The following GRID1 variants were observed in gnomAD, a reference collection of about 807,000 sequenced individuals.
GRID1 encodes glutamate ionotropic receptor delta type subunit 1, also known as glutamate receptor ionotropic, delta-1.
In GRID1, 28 loss-of-function variants were observed where a neutral mutation model predicts 98.0. The observed-to-expected ratio is 0.29, with a 90% CI of 0.21 to 0.39. The LOEUF (loss-of-function observed/expected upper bound fraction) is 0.39. Ranked by LOEUF, GRID1 falls within the 10% of genes least tolerant of loss-of-function variation. GRID1 has a pLI of 1.00. For synonymous variants in GRID1, 553 were observed against 538.5 expected (o/e 1.03, Z -0.37); for missense variants, 1,111 against 1,340.5 (o/e 0.83, Z 2.67).
chr10:86,148,930 G>C (rs534432544), intron 3 of GRID1, among the ~76,000 whole-genome samples: 1 of 152,264 alleles, frequency 6.6e-6, no homozygotes, highest in Admixed American at 6.5e-5. Flanking sequence ...GCAAAGCAGA[G>C]CCAACCCCAC....
At chr10:85,818,894 A>AT (rs1339274140) in intron 8 of GRID1, among the ~76,000 whole-genome samples, 1 of 151,858 alleles carries the variant, frequency 6.6e-6, no homozygotes, top group African/African-American at 2.4e-5. Context: ...ATTTTTTTGT[A>AT]TTTTTTAGCA....
chr10:85,838,110 G>A (rs1842927225), intron 8 of GRID1, among the ~76,000 whole-genome samples: 1 of 151,998 alleles, frequency 6.6e-6, no homozygotes, highest in African/African-American at 2.4e-5. Context: ...CAAAAACAGA[G>A]AAAAATGAAT....
intron 4 of GRID1, among the ~76,000 whole-genome samples, chr10:86,022,357 G>C (rs1358282523): frequency 1.3e-5 from 2 of 152,072 alleles, no homozygotes; most frequent in African/African-American, 2.4e-5. Flanking sequence ...GTGCTCAGTA[G>C]CACCGGCCCC....
At chr10:86,347,953 C>T (rs763326558) in intron 2 of GRID1, among the ~76,000 whole-genome samples, 8 of 152,214 alleles carry the variant, frequency 5.3e-5, no homozygotes, top group Admixed American at 1.3e-4. Flanking sequence ...CCACAGGGTG[C>T]GAGGCCCGGC....
chr10:85,980,329 G>C (rs769212704), intron 4 of GRID1, among the ~76,000 whole-genome samples: 2 of 152,368 alleles, frequency 1.3e-5, no homozygotes, highest in African/African-American at 2.4e-5. Flanking sequence ...AGTGCTCAGT[G>C]TTTGTTAAGT....
At chr10:85,679,005 AAAC>A (rs1841176376) in intron 12 of GRID1, among the ~76,000 whole-genome samples, 1 of 152,204 alleles carries the variant, frequency 6.6e-6, no homozygotes, top group Admixed American at 6.5e-5. Flanking sequence ...ACAGACTCTC[AAAC>A]AACACTGATG....
At chr10:85,690,050 A>G (rs1415217271) in intron 12 of GRID1, among the ~76,000 whole-genome samples, 1 of 152,190 alleles carries the variant, frequency 6.6e-6, no homozygotes, top group Non-Finnish European at 1.5e-5. Flanking sequence ...TATCAGAAGG[A>G]ATAACACCCA....
At chr10:86,311,533 G>A (rs1279438637) in intron 2 of GRID1, among the ~76,000 whole-genome samples, 1 of 152,124 alleles carries the variant, frequency 6.6e-6, no homozygotes, top group Non-Finnish European at 1.5e-5. Flanking sequence ...CAAATGCCTA[G>A]ACCACACTTG....
At chr10:85,907,913 A>G (rs1411160180) in intron 5 of GRID1, among the ~76,000 whole-genome samples, 1 of 152,216 alleles carries the variant, frequency 6.6e-6, no homozygotes, top group Non-Finnish European at 1.5e-5. Flanking sequence ...ATATTAATAA[A>G]CTGCAAAAAG....
intron 4 of GRID1, among the ~76,000 whole-genome samples, chr10:86,128,625 C>T (rs1305436875): frequency 1.3e-5 from 2 of 152,168 alleles, no homozygotes; most frequent in African/African-American, 4.8e-5. Flanking sequence ...CGCCTGGTAA[C>T]GGCCCACCAA....
intron 8 of GRID1, among the ~76,000 whole-genome samples, chr10:85,826,291 C>T (rs544568714): frequency 4.6e-5 from 7 of 152,286 alleles, no homozygotes; most frequent in African/African-American, 1.7e-4. Flanking sequence ...GCCGAGATCG[C>T]GCCACTGCAC....
chr10:85,852,897 C>T (rs1843073943), intron 8 of GRID1, among the ~76,000 whole-genome samples: 1 of 152,178 alleles, frequency 6.6e-6, no homozygotes, highest in Non-Finnish European at 1.5e-5. Context: ...TGCTAGCCGA[C>T]TCCCTCTAGG....
intron 12 of GRID1, among the ~76,000 whole-genome samples, chr10:85,649,376 T>C (rs961228428): frequency 6.6e-6 from 1 of 152,214 alleles, no homozygotes; most frequent in Non-Finnish European, 1.5e-5. Context: ...AAGAAATCTT[T>C]CTAATTATTG....
intron 2 of GRID1, among the ~76,000 whole-genome samples, chr10:86,225,018 G>T (rs1019512286): frequency 6.6e-6 from 1 of 152,268 alleles, no homozygotes; most frequent in East Asian, 1.9e-4. Context: ...TACTGAAGGA[G>T]TGAATGAAAC....
intron 8 of GRID1, among the ~76,000 whole-genome samples, chr10:85,731,900 GGAGAAAGAAA>G (rs1291560399): frequency 5.4e-5 from 8 of 147,706 alleles, no homozygotes; most frequent in African/African-American, 1.5e-4. Context: ...AGGGAGGGAG[GGAGAAAGAAA>G]GAGAAAGAAA....
intron 4 of GRID1, among the ~76,000 whole-genome samples, chr10:86,073,573 G>A (rs117654872): frequency 0.043 from 6,581 of 152,316 alleles, 165 homozygotes; most frequent in Middle Eastern, 0.068. Context: ...TCCAGGGGGT[G>A]AAGGAGGCTG....
chr10:85,816,808 A>G (rs1475602530), intron 8 of GRID1, among the ~76,000 whole-genome samples: 1 of 152,124 alleles, frequency 6.6e-6, no homozygotes. Flanking sequence ...CATCCAGGTA[A>G]TAAGTATAGT....
intron 12 of GRID1, among the ~76,000 whole-genome samples, chr10:85,692,443 C>T (rs946641976): frequency 6.6e-6 from 1 of 151,944 alleles, no homozygotes; most frequent in African/African-American, 2.4e-5. Context: ...GGGTGGATTG[C>T]GTGACCCCAG....
chr10:85,896,515 C>G (rs1841296483), intron 5 of GRID1, among the ~76,000 whole-genome samples: 2 of 152,156 alleles, frequency 1.3e-5, no homozygotes, highest in Non-Finnish European at 2.9e-5. Context: ...TTAATAATCT[C>G]TCTCTTATAA....
Sources: gnomAD v4.1 joint callset for allele counts (sites outside exome capture counted in the v4.1 genomes callset) on GRCh38, gnomAD v4.1.1 for gene constraint, MANE v1.5 for transcripts, NCBI Gene and HGNC (gene_info 2026-07-23, HGNC 2026-07-21) for gene names.